Variants in AKT3 observed in about 807,000 individuals in gnomAD.
AKT3 encodes the protein AKT serine/threonine kinase 3, also known as RAC-gamma serine/threonine-protein kinase.
Under a neutral mutation model 65.3 loss-of-function variants are expected in AKT3, and 15 were observed. The observed-to-expected ratio is 0.23, with a 90% CI of 0.15 to 0.35. AKT3 has a LOEUF of 0.35. Among genes scored for constraint, AKT3 ranks in the 10% least tolerant of loss-of-function variants. The pLI, the probability that AKT3 is intolerant of heterozygous loss-of-function variation, is 1.00. For synonymous variants in AKT3, 206 were observed against 183.8 expected, an observed-to-expected ratio of 1.12 and a Z score of -0.98; for missense variants, 243 against 576.5, an observed-to-expected ratio of 0.42 and a Z score of 5.92.
intron 2 of AKT3, among the ~76,000 whole-genome samples, chr1:243,833,670 T>C (rs1185321561): frequency 1.3e-5 from 2 of 151,872 alleles, no homozygotes. Context: ...TCAGAAACCA[T>C]GGCAGCCAGA....
intron 12 of AKT3, among the ~76,000 whole-genome samples, chr1:243,516,882 C>T (rs990772977): frequency 3.3e-5 from 5 of 152,126 alleles, no homozygotes; most frequent in Admixed American, 6.5e-5. Context: ...GCTACTGTGC[C>T]CAGTCCTAGT....
intron 1 of AKT3, among the ~76,000 whole-genome samples, chr1:243,847,291 T>C (rs1695561525): frequency 6.6e-6 from 1 of 152,200 alleles, no homozygotes; most frequent in Non-Finnish European, 1.5e-5. Context: ...TTTTTCTTTT[T>C]AACACTTCAA....
chr1:243,842,375 G>T (rs1334086548), intron 2 of AKT3, among the ~76,000 whole-genome samples: 5 of 152,140 alleles, frequency 3.3e-5, no homozygotes, highest in African/African-American at 7.2e-5. Flanking sequence ...GTAAACAGTA[G>T]TTGCCTAGCA....
At chr1:243,772,682 A>C (rs1338705550) in intron 2 of AKT3, among the ~76,000 whole-genome samples, 1 of 152,202 alleles carries the variant, frequency 6.6e-6, no homozygotes, top group Non-Finnish European at 1.5e-5. Context: ...CCATCCCATT[A>C]CTGGGTATAT....
At position 243,500,024 on chromosome 1, in the gene AKT3, G is replaced by GTGT; in HGVS notation, c.*5222_*5224dup. ...GTTTTCAGAAATGGCTTGAAGTTATGTGTTTAAATCTGCTCATTCGTATGC... is the reference window on the plus strand; with the variant it reads ...GTTTTCAGAAATGGCTTGAAGTTATGTGTTGTTTAAATCTGCTCATTCGTATGC... On this transcript the variant is annotated 3_prime_UTR_variant, in exon 14 of 14. Transcript: ENST00000673466. 1.7e-6 allele frequency: 1 copy of GTGT among 579,318 alleles called. No homozygotes were observed. 35.9% of individuals were successfully genotyped at this position (579,318 alleles called of 1,614,324 possible).
intron 2 of AKT3, among the ~76,000 whole-genome samples, chr1:243,697,736 C>A (rs560294946): frequency 2.1e-4 from 32 of 152,162 alleles, no homozygotes; most frequent in African/African-American, 7.5e-4. Context: ...GGAAAGCTGA[C>A]AAGCTCATAA....
intron 3 of AKT3, chr1:243,687,888 C>T (rs1444342007): frequency 1.3e-5 from 2 of 151,900 alleles, no homozygotes; most frequent in Admixed American, 6.6e-5. Flanking sequence ...AAAATAGAAG[C>T]GAGAAGCAAA....
chr1:243,677,969 T>C (rs902435245), intron 3 of AKT3, among the ~76,000 whole-genome samples: 1 of 152,004 alleles, frequency 6.6e-6, no homozygotes, highest in Admixed American at 6.6e-5. Flanking sequence ...GTGCCTGTAA[T>C]CCCATCTGCT....
intron 13 of AKT3, chr1:243,489,265 G>A (rs1665785314): frequency 1.5e-6 from 2 of 1,315,238 alleles, no homozygotes; most frequent in Non-Finnish European, 2.1e-6. Flanking sequence ...TGGGAGGGAG[G>A]TCCCGAAGAC....
At chr1:243,707,288 G>T (rs1055082699) in intron 2 of AKT3, among the ~76,000 whole-genome samples, 1 of 152,118 alleles carries the variant, frequency 6.6e-6, no homozygotes, top group African/African-American at 2.4e-5. Context: ...CACATTAGCT[G>T]AGCAAAGGAG....
rs1470128366 is a variant in AKT3, at chr1:243,573,067, G to A, written c.697-19C>T. 1 of 1,608,586 alleles carries A rather than the reference G, an allele frequency of 6.2e-7. No individual in the cohort carries two copies. Among genetic ancestry groups the A allele is most frequent in the East Asian group, 2.2e-5 (1 of 44,760 alleles). ...AAAACAGCTGCAGGGTAAACAGCAG[G>A]GACAGGATTGTAATAATTACTGATT... On this transcript the variant is annotated intron_variant, in intron 8 of 13. Coordinates refer to ENST00000673466, the MANE Select transcript of AKT3 (RefSeq NM_005465.7).
At chr1:243,718,709 G>A (rs921601496) in intron 2 of AKT3, among the ~76,000 whole-genome samples, 5 of 151,628 alleles carry the variant, frequency 3.3e-5, no homozygotes, top group Admixed American at 6.6e-5. Context: ...TCCTGACCTC[G>A]TGATCTGCCC....
Position 243,531,083 on chromosome 1 carries a change from C to T in AKT3, c.1251+14427G>A, listed in dbSNP as rs1212914515. ...ATGTTCAACCATTCTATCTATCTAT[C>T]TATCCATCCCTCTCTCTATCTTTTG... On this transcript the variant is annotated intron_variant, in intron 12 of 13. Transcript: ENST00000673466. 3.3e-5 allele frequency among the ~76,000 whole-genome samples: 5 copies of T among 152,108 alleles called. No individual in the cohort carries two copies. The East Asian group carries it at 9.6e-4, about 29-fold the overall frequency.
Position 243,647,879 on chromosome 1 carries a change from T to C in AKT3, c.285-1842A>G, listed in dbSNP as rs530834036. Reference sequence around the variant, plus strand: ...CCTTGAATATTATGTAAGTTGTAGATCTTCTATATAACATTTACTTAATCA... The same window carrying C: ...CCTTGAATATTATGTAAGTTGTAGACCTTCTATATAACATTTACTTAATCA... On this transcript the variant is annotated intron_variant, in intron 4 of 13. Transcript: ENST00000673466. 7.9e-5 allele frequency among the ~76,000 whole-genome samples: 12 copies of C among 152,316 alleles called. No individual in the cohort carries two copies. In the East Asian group the frequency reaches 2.3e-3, roughly 29 times the overall value.
At chr1:243,842,205 A>C (rs1290740242) in intron 2 of AKT3, among the ~76,000 whole-genome samples, 1 of 152,242 alleles carries the variant, frequency 6.6e-6, no homozygotes, top group African/African-American at 2.4e-5. Context: ...AATCACATTT[A>C]ACTATGACAA....
At chr1:243,784,964 A>G (rs376747931) in intron 2 of AKT3, among the ~76,000 whole-genome samples, 10 of 151,680 alleles carry the variant, frequency 6.6e-5, no homozygotes, top group Non-Finnish European at 1.3e-4. Context: ...CAGTCTCACG[A>G]TATTGCCCAG....
At chr1:243,627,315 G>A (rs1679244835) in intron 6 of AKT3, among the ~76,000 whole-genome samples, 1 of 146,424 alleles carries the variant, frequency 6.8e-6, no homozygotes, top group Non-Finnish European at 1.5e-5. Flanking sequence ...ACAACATAGT[G>A]AGACCCTGTT....
At chr1:243,747,897 G>A (rs1177473992) in intron 2 of AKT3, among the ~76,000 whole-genome samples, 1 of 152,144 alleles carries the variant, frequency 6.6e-6, no homozygotes, top group Non-Finnish European at 1.5e-5. Context: ...GTAATGAAAC[G>A]ATGTCTGAAG....
chr1:243,850,826 C>T (rs1417077595), upstream of AKT3, among the ~76,000 whole-genome samples: 4 of 151,964 alleles, frequency 2.6e-5, no homozygotes, highest in Admixed American at 6.5e-5. Context: ...GAGCCGGGAG[C>T]GGGGGCAGTC....
Sources: gnomAD v4.1 joint callset for allele counts (sites outside exome capture counted in the v4.1 genomes callset) on GRCh38, gnomAD v4.1.1 for gene constraint, MANE v1.5 for transcripts, NCBI Gene and HGNC (gene_info 2026-07-23, HGNC 2026-07-21) for gene names.